The following HMCN1 variants were observed in gnomAD, a reference collection of about 807,000 sequenced individuals.
The protein encoded by HMCN1 is hemicentin 1.
Under a neutral mutation model 625.9 loss-of-function variants are expected in HMCN1, and 321 were observed. The observed-to-expected ratio is 0.51, with a 90% CI of 0.47 to 0.56. The LOEUF is 0.56. HMCN1 is among the 20% of genes least tolerant of loss of function. The pLI is 0.00. For missense variants in HMCN1, 6,588 were observed against 6,887.3 expected (o/e 0.96, Z 1.54); for synonymous variants, 2,425 against 2,417.6 (o/e 1.00, Z -0.09).
Position 186,095,519 on chromosome 1 carries a change from T to C in HMCN1, c.10571T>C (p.Leu3524Pro). The C allele has an allele frequency of 6.2e-7, 1 of 1,613,298 alleles. No individual in the cohort carries two copies. Among genetic ancestry groups the C allele is most frequent in the Non-Finnish European group, 8.5e-7 (1 of 1,179,468 alleles). The stretch of plus-strand genomic sequence containing the variant: ...AGCAAGCACTTTATCCTCAAGGTCC[T>C]AGGTATGTAAACATTGTGGTAAATG... Reference protein sequence around the residue: ...EVSKHFILKVLEPPHINGSEE... With the variant: ...EVSKHFILKVPEPPHINGSEE... The change falls in exon 68 of 107, where the codon CTA (leucine) becomes CCA (proline). Residue 3524 changes from leucine to proline, a missense_variant and splice_region_variant. By Grantham distance (98) the Leu-to-Pro change is moderately conservative (BLOSUM62 -3). Around this residue, in one of 3 missense-constraint regions of HMCN1, gnomAD observed 4,628 missense variants for 4,853.1 expected, o/e 0.95. Transcript: ENST00000271588.
chr1:185,891,670 C>T lies in HMCN1; in HGVS notation c.622-17667C>T, dbSNP rs924207313. ...CTCTTCTGGCTTGTAGAGTTTCTGC[C>T]GAGAGATCCGCTGTTAGTCTGATGG... On this transcript the variant is annotated intron_variant, in intron 4 of 106. Transcript: ENST00000271588. Among the ~76,000 whole-genome samples the T allele has an allele frequency of 5.7e-4, 84 of 147,906 alleles. 3 individuals carry two copies. The highest frequency in any genetic ancestry group is 1.7e-3 in the South Asian group (8 of 4,806).
intron 2 of HMCN1, among the ~76,000 whole-genome samples, chr1:185,851,071 T>C (rs1662133685): frequency 6.6e-6 from 1 of 152,148 alleles, no homozygotes; most frequent in African/African-American, 2.4e-5. Flanking sequence ...ATAGAATACT[T>C]TATTATTTCA....
intron 106 of HMCN1, among the ~76,000 whole-genome samples, chr1:186,188,948 A>T (rs568938147): frequency 6.6e-6 from 1 of 152,148 alleles, no homozygotes; most frequent in Non-Finnish European, 1.5e-5. Context: ...AGTCATCATG[A>T]CTCAAAAAGC....
intron 48 of HMCN1, 33 bp downstream of exon 48, chr1:186,062,633 C>T (rs1376180280): frequency 3.6e-6 from 5 of 1,376,774 alleles, no homozygotes; most frequent in East Asian, 4.6e-5. Flanking sequence ...TTTGGTGCTC[C>T]CCCCACTCAC....
At chr1:186,115,095 A>G (rs1354971276) in intron 74 of HMCN1, 149 bp downstream of exon 74, 2 of 1,398,848 alleles carry the variant, frequency 1.4e-6, no homozygotes, top group East Asian at 2.3e-5. Context: ...TTTTCTCCTT[A>G]GTATAGTTAA....
chr1:185,924,291 C>T lies in HMCN1; in HGVS notation c.1285+638C>T, dbSNP rs1409600021. Among the ~76,000 whole-genome samples the T allele has an allele frequency of 4.1e-5, 5 of 120,942 alleles. No homozygotes were observed. In the East Asian group the frequency reaches 8.5e-4, roughly 21 times the overall value. The allele number at this position is 120,942 out of a possible 152,430, so 79.3% of individuals were successfully genotyped here. A position where few individuals can be genotyped will look rare whatever the true frequency, so the allele number is the denominator to read the frequency against. ...TGTTGCCCAGGCTGGAGTGCAGTGG[C>T]GCGATCTCGGCTCACTGCAAGCCCC... On this transcript the variant is annotated intron_variant, in intron 8 of 106. Transcript: ENST00000271588.
At chr1:185,917,018 C>T (rs934460217) in intron 6 of HMCN1, among the ~76,000 whole-genome samples, 2 of 152,130 alleles carry the variant, frequency 1.3e-5, no homozygotes, top group Admixed American at 6.5e-5. Context: ...AAGCTGTTAT[C>T]ATGGCCTAGT....
chr1:186,152,631 A>G, intron 95 of HMCN1, 119 bp from the exon 96 acceptor site: 14 of 1,182,776 alleles, frequency 1.2e-5, no homozygotes, highest in South Asian at 1.1e-4. Context: ...CTCATCATCT[A>G]TACTTATTCA....
chr1:186,172,558 AAAAT>A (rs1652298987), intron 102 of HMCN1, among the ~76,000 whole-genome samples: 2 of 152,164 alleles, frequency 1.3e-5, no homozygotes, highest in South Asian at 2.1e-4. Flanking sequence ...CCAGACAAAT[AAAAT>A]AAATAATTTG....
intron 4 of HMCN1, among the ~76,000 whole-genome samples, chr1:185,886,715 C>G (rs1664675913): frequency 6.6e-6 from 1 of 151,974 alleles, no homozygotes; most frequent in African/African-American, 2.4e-5. Flanking sequence ...TTGCCCAAGT[C>G]TTCATCACTT....
intron 93 of HMCN1, among the ~76,000 whole-genome samples, chr1:186,147,118 C>G (rs1434372548): frequency 6.6e-6 from 1 of 152,202 alleles, no homozygotes; most frequent in Non-Finnish European, 1.5e-5. Flanking sequence ...TTCCATTACT[C>G]TCTACGCTTT....
In HMCN1 at chr1:186,120,090, T is replaced by A. The variant is rs1454446487; in HGVS notation, c.12174T>A (p.Cys4058Ter). 1 of 1,614,080 alleles carries A rather than the reference T, an allele frequency of 6.2e-7. No individual in the cohort carries two copies. Among genetic ancestry groups the A allele is most frequent in the Admixed American group, 1.7e-5 (1 of 60,010 alleles). The change falls in exon 80 of 107, where the codon TGT becomes TGA. Residue 4058 changes from cysteine to a stop codon, truncating the protein, a stop_gained. Transcript: ENST00000271588. LOFTEE classifies it high-confidence loss of function. ...AVREDAGTYM[C>*]VAQNPAGTAL... ...GAGAGGATGCTGGCACTTACATGTG[T>A]GTGGCCCAGAACCCGGCTGGTACAG...
intron 29 of HMCN1, among the ~76,000 whole-genome samples, chr1:186,005,198 TA>T (rs1653494393): frequency 6.8e-6 from 1 of 146,494 alleles, no homozygotes; most frequent in Non-Finnish European, 1.5e-5. Context: ...AACAATTTTT[TA>T]ATTGTTTATA....
chr1:185,889,270 C>T (rs1261300881), intron 4 of HMCN1, among the ~76,000 whole-genome samples: 33 of 136,356 alleles, frequency 2.4e-4, no homozygotes, highest in African/African-American at 6.2e-4. Flanking sequence ...GACAATTTGA[C>T]TTCCTCTTTT....
At chr1:186,160,869 G>A (rs1303127676) in intron 97 of HMCN1, among the ~76,000 whole-genome samples, 2 of 150,554 alleles carry the variant, frequency 1.3e-5, no homozygotes, top group Admixed American at 1.3e-4. Context: ...AATAGGTGTG[G>A]TGTGGTGCTG....
Position 185,987,509 on chromosome 1 carries a change from A to C in HMCN1, c.3013A>C (p.Ser1005Arg). Reference sequence around the variant, plus strand: ...TCCAGTAACTTTACCATGCAAAGCAAGTGGAAATCCCAAACCGTCTGTCAT... The same window carrying C: ...TCCAGTAACTTTACCATGCAAAGCACGTGGAAATCCCAAACCGTCTGTCAT... ...GIPVTLPCKA[S>R]GNPKPSVIWS... Residue 1005 changes from serine (S) to arginine (R), a missense_variant, in exon 20 of 107, where the codon AGT becomes CGT. By Grantham distance (110) the Ser-to-Arg change is moderately radical (BLOSUM62 -1). This residue lies in a region of HMCN1 where 4,628 missense variants were observed against 4,853.1 expected (regional missense o/e 0.95). Coordinates refer to ENST00000271588, the MANE Select transcript of HMCN1 (RefSeq NM_031935.3). 1 of 1,613,554 alleles carries C rather than the reference A, an allele frequency of 6.2e-7. No homozygotes were observed.
In HMCN1 at chr1:186,120,157, A is replaced by T. The variant is rs1290293078; in HGVS notation, c.12229+12A>T. On this transcript the variant is annotated intron_variant, in intron 80 of 106. Transcript: ENST00000271588. ...GTTAAATGTCCAAGGTACCTAAATA[A>T]TTCATCTCTGTTTTCAATTCAAAGA... 6.2e-7 allele frequency: 1 copy of T among 1,612,942 alleles called. No homozygotes were observed. Among genetic ancestry groups the T allele is most frequent in the African/African-American group, 1.3e-5 (1 of 74,892 alleles).
chr1:186,075,585 C>G (rs930704449), intron 53 of HMCN1, among the ~76,000 whole-genome samples: 1 of 151,938 alleles, frequency 6.6e-6, no homozygotes, highest in Non-Finnish European at 1.5e-5. Context: ...AAGCTCCTAG[C>G]AAAATGATTG....
In HMCN1 at chr1:186,069,769, G is replaced by C; in HGVS notation, c.7986G>C (p.Lys2662Asn). ...AAATGATAAAGCACTATGAAGTGAA[G>C]GTGTACAGTAAGTTCTGAAAGAATA... ...AGEMIKHYEV[K>N]VYIPPIINKG... The change falls in exon 51 of 107, where the codon AAG becomes AAC. Residue 2662 changes from lysine to asparagine, a missense_variant. By Grantham distance (94) the Lys-to-Asn change is moderately conservative (BLOSUM62 0). This residue lies in a region of HMCN1 where 4,628 missense variants were observed against 4,853.1 expected (regional missense o/e 0.95). Coordinates refer to ENST00000271588, the MANE Select transcript of HMCN1 (RefSeq NM_031935.3). 6.2e-7 allele frequency: 1 copy of C among 1,605,632 alleles called. No individual in the cohort carries two copies. Among genetic ancestry groups the C allele is most frequent in the Non-Finnish European group, 8.5e-7 (1 of 1,173,038 alleles).
Sources: allele counts gnomAD v4.1 joint callset (sites outside exome capture counted in the v4.1 genomes callset), GRCh38; gene constraint gnomAD v4.1.1; regional missense constraint gnomAD v4.1.1; transcripts MANE v1.5; gene names NCBI Gene and HGNC (gene_info 2026-07-23, HGNC 2026-07-21).